The following FBXL17 variants were observed in gnomAD, a reference collection of about 807,000 sequenced individuals.
FBXL17 encodes F-box/LRR-repeat protein 17.
FBXL17 carries 22 observed loss-of-function variants against 66.2 expected under a neutral mutation model. That is an observed-to-expected ratio of 0.33 (90% CI 0.24 to 0.47). The LOEUF (loss-of-function observed/expected upper bound fraction) is 0.47. FBXL17 is among the 20% of genes least tolerant of loss of function. The pLI, the probability that FBXL17 is intolerant of heterozygous loss-of-function variation, is 1.00. For synonymous variants in FBXL17, 474 were observed against 400.5 expected (o/e 1.18, Z -2.19); for missense variants, 878 against 948.2 (o/e 0.93, Z 0.97).
chr5:107,876,258 T>C (rs1270709882), intron 8 of FBXL17, among the ~76,000 whole-genome samples: 1 of 152,170 alleles, frequency 6.6e-6, no homozygotes, highest in Non-Finnish European at 1.5e-5. Flanking sequence ...GCAAAATGCT[T>C]TGCCAAGAGT....
chr5:107,915,587 T>A (rs1358565418), intron 7 of FBXL17, among the ~76,000 whole-genome samples: 1 of 152,196 alleles, frequency 6.6e-6, no homozygotes, highest in Non-Finnish European at 1.5e-5. Flanking sequence ...TCTAAGAAAT[T>A]TACAGTGAGC....
At chr5:108,255,615 G>C (rs1433669438) in intron 4 of FBXL17, among the ~76,000 whole-genome samples, 1 of 152,020 alleles carries the variant, frequency 6.6e-6, no homozygotes, top group African/African-American at 2.4e-5. Context: ...TGCGTCCAAG[G>C]AAAAACTGAC....
intron 4 of FBXL17, among the ~76,000 whole-genome samples, chr5:108,276,509 A>G (rs1168033557): frequency 6.6e-6 from 1 of 152,162 alleles, no homozygotes; most frequent in East Asian, 1.9e-4. Context: ...TTATGGATCA[A>G]TAATGCTGCT....
Position 108,221,297 on chromosome 5 carries a change from C to T in FBXL17, c.1614+2824G>A, listed in dbSNP as rs190377259. ...GTTTTCTTGCCCTTGATTTAAAAAT[C>T]AAGATGTCACAAATCCCCAATTTTC... is the stretch of plus-strand genomic sequence containing the variant. On this transcript the variant is annotated intron_variant, in intron 5 of 8. Coordinates refer to ENST00000542267, the MANE Select transcript of FBXL17 (RefSeq NM_001163315.3). 2.8e-4 allele frequency among the ~76,000 whole-genome samples: 43 copies of T among 152,246 alleles called. No individual in the cohort carries two copies. In the South Asian group the frequency reaches 7.0e-3, roughly 25 times the overall value.
At chr5:108,351,663 C>A (rs1359547713) in intron 3 of FBXL17, among the ~76,000 whole-genome samples, 1 of 152,208 alleles carries the variant, frequency 6.6e-6, no homozygotes, top group Non-Finnish European at 1.5e-5. Context: ...CTTAGATTTT[C>A]TGAGTGCTAA....
intron 6 of FBXL17, among the ~76,000 whole-genome samples, chr5:108,072,171 A>C (rs533301631): frequency 5.3e-5 from 8 of 152,146 alleles, no homozygotes; most frequent in African/African-American, 1.9e-4. Context: ...ACTTATCTAC[A>C]TGGAATTCAA....
At chr5:108,117,574 A>G (rs1478927607) in intron 6 of FBXL17, among the ~76,000 whole-genome samples, 1 of 152,184 alleles carries the variant, frequency 6.6e-6, no homozygotes, top group Non-Finnish European at 1.5e-5. Flanking sequence ...TTCACGTACA[A>G]AAGACCCTCA....
At chr5:107,899,097 G>T (rs1334765909) in intron 7 of FBXL17, among the ~76,000 whole-genome samples, 2 of 152,178 alleles carry the variant, frequency 1.3e-5, no homozygotes, top group Non-Finnish European at 1.5e-5. Context: ...CAGTGTAAAA[G>T]TGTTCCTATT....
At chr5:107,995,464 C>T (rs1252094944) in intron 7 of FBXL17, among the ~76,000 whole-genome samples, 1 of 152,012 alleles carries the variant, frequency 6.6e-6, no homozygotes, top group Admixed American at 6.6e-5. Flanking sequence ...AACCAAAAAG[C>T]CAGGATACAG....
At chr5:107,992,776 A>T (rs1189343930) in intron 7 of FBXL17, among the ~76,000 whole-genome samples, 1 of 152,202 alleles carries the variant, frequency 6.6e-6, no homozygotes, top group East Asian at 1.9e-4. Context: ...TACTTCCCTT[A>T]TTCTGTGGAT....
intron 7 of FBXL17, among the ~76,000 whole-genome samples, chr5:107,892,908 G>A (rs1749242999): frequency 6.6e-6 from 1 of 152,158 alleles, no homozygotes; most frequent in African/African-American, 2.4e-5. Context: ...TAGTTTAGTA[G>A]AGAACTAGAT....
intron 6 of FBXL17, among the ~76,000 whole-genome samples, chr5:108,070,219 C>G (rs932694266): frequency 6.6e-5 from 10 of 152,300 alleles, no homozygotes; most frequent in African/African-American, 2.4e-4. Context: ...GATCCACTAA[C>G]ATGTAATCTT....
At chr5:107,959,238 A>G (rs1331556393) in intron 7 of FBXL17, among the ~76,000 whole-genome samples, 1 of 152,148 alleles carries the variant, frequency 6.6e-6, no homozygotes, top group Non-Finnish European at 1.5e-5. Context: ...TGGGTCTAGC[A>G]GGGTACAAGG....
At chr5:107,958,081 C>T (rs530591823) in intron 7 of FBXL17, among the ~76,000 whole-genome samples, 14 of 149,312 alleles carry the variant, frequency 9.4e-5, no homozygotes, top group Admixed American at 2.7e-4. Context: ...AGGTGAACAG[C>T]GCGATTATTT....
At chr5:108,321,086 AT>A (rs1349794702) in intron 4 of FBXL17, among the ~76,000 whole-genome samples, 1 of 151,646 alleles carries the variant, frequency 6.6e-6, no homozygotes, top group Non-Finnish European at 1.5e-5. Flanking sequence ...ATAAGAAATT[AT>A]TTTTTTCTGA....
intron 7 of FBXL17, among the ~76,000 whole-genome samples, chr5:107,999,495 CAT>C (rs1203831477): frequency 3.4e-5 from 5 of 148,870 alleles, no homozygotes; most frequent in South Asian, 4.3e-4. Flanking sequence ...CACACACACA[CAT>C]ACAAATTTTT....
intron 4 of FBXL17, among the ~76,000 whole-genome samples, chr5:108,312,863 C>T (rs2150202109): frequency 6.6e-6 from 1 of 152,160 alleles, no homozygotes; most frequent in South Asian, 2.1e-4. Context: ...ATCATTTCAG[C>T]AGTTAAAATA....
rs747563796 is a variant in FBXL17, at chr5:108,299,385, A to T, written c.1506+49014T>A. The T allele has an allele frequency of 5.1e-6, 5 of 980,988 alleles. 1 individual carries two copies. The highest frequency in any genetic ancestry group is 1.0e-3 in the Middle Eastern group (2 of 1,922). 60.8% of individuals were successfully genotyped at this position (980,988 alleles called of 1,614,324 possible). A position where few individuals can be genotyped will look rare whatever the true frequency, so the allele number is the denominator to read the frequency against. Reference sequence around the variant, plus strand: ...AGTACAGTTTTCAAACTACGTTTTCATATCAACACAAGCAAGTTTACATTA... The same window carrying T: ...AGTACAGTTTTCAAACTACGTTTTCTTATCAACACAAGCAAGTTTACATTA... On this transcript the variant is annotated intron_variant, in intron 4 of 8. Coordinates refer to ENST00000542267, the MANE Select transcript of FBXL17 (RefSeq NM_001163315.3).
intron 4 of FBXL17, among the ~76,000 whole-genome samples, chr5:108,238,072 A>T (rs1755685518): frequency 6.6e-6 from 1 of 152,182 alleles, no homozygotes; most frequent in Admixed American, 6.6e-5. Context: ...CAGTATGTAT[A>T]CCTACTATTA....
Sources: allele counts gnomAD v4.1 joint callset (sites outside exome capture counted in the v4.1 genomes callset), GRCh38; gene constraint gnomAD v4.1.1; transcripts MANE v1.5; gene names NCBI Gene and HGNC (gene_info 2026-07-23, HGNC 2026-07-21).